The following MACROD2 variants were observed in gnomAD, a reference collection of about 807,000 sequenced individuals.
MACROD2 encodes the protein mono-ADP ribosylhydrolase 2.
MACROD2 carries 36 observed loss-of-function variants against 70.4 expected under a neutral mutation model. The observed-to-expected ratio is 0.51, with a 90% CI of 0.39 to 0.68. MACROD2 has a LOEUF of 0.68. MACROD2 is among the 30% of genes least tolerant of loss of function. The pLI, the probability that MACROD2 is intolerant of heterozygous loss-of-function variation, is 0.00. For missense variants in MACROD2, 496 were observed against 538.4 expected, an observed-to-expected ratio of 0.92 and a Z score of 0.78; for synonymous variants, 172 against 178.8, an observed-to-expected ratio of 0.96 and a Z score of 0.30.
intron 7 of MACROD2, among the ~76,000 whole-genome samples, chr20:15,486,083 T>C (rs572681187): frequency 6.6e-6 from 1 of 152,268 alleles, no homozygotes; most frequent in Admixed American, 6.5e-5. Context: ...TTTTATAATT[T>C]CTTCAGAGGT....
At chr20:15,878,893 A>G (rs1228864354) in intron 9 of MACROD2, among the ~76,000 whole-genome samples, 1 of 152,156 alleles carries the variant, frequency 6.6e-6, no homozygotes, top group Non-Finnish European at 1.5e-5. Flanking sequence ...TGGTTTTCAC[A>G]TATATTTTGT....
At chr20:15,819,609 C>T (rs1293785549) in intron 8 of MACROD2, among the ~76,000 whole-genome samples, 3 of 151,040 alleles carry the variant, frequency 2.0e-5, no homozygotes, top group African/African-American at 7.3e-5. Context: ...GAGATCCTGC[C>T]ATTTACCACA....
chr20:14,180,038 C>G (rs2081293618), intron 3 of MACROD2, among the ~76,000 whole-genome samples: 1 of 152,090 alleles, frequency 6.6e-6, no homozygotes. Flanking sequence ...AACTTACCAT[C>G]CCAAACCAAA....
intron 13 of MACROD2, among the ~76,000 whole-genome samples, chr20:15,977,063 GAC>G (rs2147439163): frequency 6.6e-6 from 1 of 152,218 alleles, no homozygotes; most frequent in East Asian, 1.9e-4. Flanking sequence ...GGGACCAGGG[GAC>G]ACACAGGAAT....
chr20:15,314,297 T>G (rs1481089883), intron 6 of MACROD2, among the ~76,000 whole-genome samples: 1 of 151,938 alleles, frequency 6.6e-6, no homozygotes, highest in Non-Finnish European at 1.5e-5. Context: ...AAAGGCAACT[T>G]TAAAAATGAG....
At chr20:14,635,491 A>G (rs879158662) in intron 4 of MACROD2, among the ~76,000 whole-genome samples, 1 of 152,230 alleles carries the variant, frequency 6.6e-6, no homozygotes, top group East Asian at 1.9e-4. Context: ...AATGTCCATC[A>G]CAATAGTGTT....
At chr20:15,162,305 G>GA (rs1387240316) in intron 5 of MACROD2, among the ~76,000 whole-genome samples, 2 of 152,046 alleles carry the variant, frequency 1.3e-5, no homozygotes, top group African/African-American at 4.8e-5. Flanking sequence ...AAGGCATTGT[G>GA]AAAATTAATA....
intron 4 of MACROD2, among the ~76,000 whole-genome samples, chr20:14,562,551 A>G (rs1007330987): frequency 6.6e-6 from 1 of 151,896 alleles, no homozygotes; most frequent in Non-Finnish European, 1.5e-5. Flanking sequence ...AGGGATAGCA[A>G]CTGTAGTTGG....
chr20:14,049,215 G>A (rs907575721), intron 2 of MACROD2, among the ~76,000 whole-genome samples: 6 of 142,172 alleles, frequency 4.2e-5, no homozygotes, highest in Admixed American at 2.2e-4. Context: ...GCCTATAACA[G>A]CATTAGGTAT....
chr20:14,402,421 G>A (rs1308574668), intron 3 of MACROD2, among the ~76,000 whole-genome samples: 1 of 152,044 alleles, frequency 6.6e-6, no homozygotes, highest in African/African-American at 2.4e-5. Flanking sequence ...AAATATTCTA[G>A]CTTGGGTTTT....
intron 4 of MACROD2, among the ~76,000 whole-genome samples, chr20:14,673,620 T>C (rs12625875): frequency 0.21 from 31,626 of 151,986 alleles, 3,581 homozygotes; most frequent in Non-Finnish European, 0.25. Context: ...TTTCTTCAAC[T>C]ATAAAATGGA....
chr20:16,020,006 A>G (rs2066980502), intron 15 of MACROD2, among the ~76,000 whole-genome samples: 1 of 152,070 alleles, frequency 6.6e-6, no homozygotes, highest in South Asian at 2.1e-4. Context: ...GAAAGGGCTC[A>G]CCTCCCAACT....
At chr20:14,154,389 CTTTTT>C (rs1183052263) in intron 3 of MACROD2, among the ~76,000 whole-genome samples, 1 of 136,434 alleles carries the variant, frequency 7.3e-6, no homozygotes, top group Admixed American at 7.4e-5. Flanking sequence ...CTTTTCTTTT[CTTTTT>C]TTTTTTTTTT....
Position 15,155,783 on chromosome 20 carries a change from G to A in MACROD2, c.419-74157G>A, listed in dbSNP as rs149345475. On this transcript the variant is annotated intron_variant, in intron 5 of 17. Transcript: ENST00000684519. ...AAATAAATGACAAAAAAGAGACATAGGTGGTGATCTTCCTTAGAACTATAA... is the reference window on the plus strand; with the variant it reads ...AAATAAATGACAAAAAAGAGACATAAGTGGTGATCTTCCTTAGAACTATAA... Among the ~76,000 whole-genome samples, 149 of 152,188 alleles carry A rather than the reference G, an allele frequency of 9.8e-4. 1 individual carries two copies. Among genetic ancestry groups the A allele is most frequent in the Non-Finnish European group, 1.2e-3 (80 of 68,004 alleles).
chr20:15,181,465 A>C (rs917959255), intron 5 of MACROD2, among the ~76,000 whole-genome samples: 1 of 152,220 alleles, frequency 6.6e-6, no homozygotes, highest in Non-Finnish European at 1.5e-5. Flanking sequence ...CAAAGTACTC[A>C]ACTGCCAAAG....
At chr20:15,485,444 A>G (rs1032301277) in intron 7 of MACROD2, among the ~76,000 whole-genome samples, 1 of 151,906 alleles carries the variant, frequency 6.6e-6, no homozygotes, top group Non-Finnish European at 1.5e-5. Flanking sequence ...GCACATTACA[A>G]CTCCAGGCTA....
At chr20:14,397,755 C>T (rs372360309) in intron 3 of MACROD2, among the ~76,000 whole-genome samples, 13 of 152,090 alleles carry the variant, frequency 8.5e-5, no homozygotes, top group African/African-American at 3.1e-4. Flanking sequence ...TTGAAATTCT[C>T]TCTTCTAGAT....
At chr20:14,407,307 C>G (rs540533256) in intron 3 of MACROD2, among the ~76,000 whole-genome samples, 334 of 152,130 alleles carry the variant, frequency 2.2e-3, no homozygotes, top group Non-Finnish European at 4.0e-3. Flanking sequence ...TCTCCCTCCC[C>G]CTGGCATCTC....
At chr20:15,700,783 T>A (rs986115813) in intron 8 of MACROD2, among the ~76,000 whole-genome samples, 1 of 152,226 alleles carries the variant, frequency 6.6e-6, no homozygotes, top group African/African-American at 2.4e-5. Context: ...TACCCAGAGC[T>A]AGACTTAATA....
Sources: gnomAD v4.1 joint callset for allele counts (sites outside exome capture counted in the v4.1 genomes callset) on GRCh38, gnomAD v4.1.1 for gene constraint, MANE v1.5 for transcripts, NCBI Gene and HGNC (gene_info 2026-07-23, HGNC 2026-07-21) for gene names.